The following PKP4 variants were observed in gnomAD, a reference collection of about 807,000 sequenced individuals.
PKP4 encodes the protein plakophilin 4.
In PKP4, 90 loss-of-function variants were observed where a neutral mutation model predicts 145.1. That is an observed-to-expected ratio of 0.62 (90% CI 0.52 to 0.74). The LOEUF (loss-of-function observed/expected upper bound fraction) is 0.74. Among genes scored for constraint, PKP4 ranks in the 30% least tolerant of loss-of-function variants. The probability of loss-of-function intolerance (pLI) is 0.00; values close to 1 mark genes in which losing one functional copy is unlikely to be tolerated. For missense variants in PKP4, 1,340 were observed against 1,482.7 expected, an observed-to-expected ratio of 0.90 and a Z score of 1.58; for synonymous variants, 563 against 577.2, an observed-to-expected ratio of 0.98 and a Z score of 0.35.
At chr2:158,515,450 A>G (rs1382011258) in intron 1 of PKP4, among the ~76,000 whole-genome samples, 5 of 152,030 alleles carry the variant, frequency 3.3e-5, no homozygotes, top group African/African-American at 9.7e-5. Flanking sequence ...GCAAGATCCT[A>G]TCTCTTGAAA....
At chr2:158,590,312 A>AGTGTGTGT (rs57003090) in intron 3 of PKP4, among the ~76,000 whole-genome samples, 3,649 of 124,154 alleles carry the variant, frequency 0.029, 91 homozygotes, top group Non-Finnish European at 0.046. Context: ...GAATGTCTTG[A>AGTGTGTGT]GTGTGTGTGT....
At chr2:158,524,412 C>A (rs2042745664) in intron 1 of PKP4, among the ~76,000 whole-genome samples, 1 of 116,920 alleles carries the variant, frequency 8.6e-6, no homozygotes, top group Non-Finnish European at 1.8e-5. Context: ...AAATAAAATA[C>A]TTTACAGACA....
At chr2:158,520,690 C>T (rs1461879178) in intron 1 of PKP4, among the ~76,000 whole-genome samples, 2 of 152,178 alleles carry the variant, frequency 1.3e-5, no homozygotes, top group African/African-American at 2.4e-5. Flanking sequence ...TCTTCATGTG[C>T]CTCTCTGAGA....
intron 3 of PKP4, among the ~76,000 whole-genome samples, chr2:158,588,737 C>T (rs1207153578): frequency 2.0e-5 from 3 of 152,108 alleles, no homozygotes; most frequent in Non-Finnish European, 4.4e-5. Flanking sequence ...CCAAACCTGC[C>T]ACTTAGGGTA....
chr2:158,545,995 A>G (rs754431805), intron 2 of PKP4, among the ~76,000 whole-genome samples: 5 of 152,188 alleles, frequency 3.3e-5, no homozygotes, highest in African/African-American at 1.2e-4. Context: ...AATGAAATGT[A>G]AATTCAGATT....
Position 158,669,737 on chromosome 2 carries a change from G to T in PKP4, c.2746G>T (p.Asp916Tyr). 1 of 1,596,826 alleles carries T rather than the reference G, an allele frequency of 6.3e-7. No homozygotes were observed. The change falls in exon 17 of 22, where the codon GAC (aspartate) becomes TAC (tyrosine). Residue 916 changes from aspartate (D) to tyrosine (Y), a missense_variant. Coordinates refer to ENST00000389759, the MANE Select transcript of PKP4 (RefSeq NM_003628.6). ...KELIGKYAMRDLVNRLPGGNG... is the reference protein window; with the variant it reads ...KELIGKYAMRYLVNRLPGGNG... ...GTTGGCAGGCAAATACGCCATGCGA[G>T]ACCTGGTCAACCGGCTCCCCGGCGG... is the stretch of plus-strand genomic sequence containing the variant.
At chr2:158,514,137 T>C (rs926984691) in intron 1 of PKP4, among the ~76,000 whole-genome samples, 5 of 152,214 alleles carry the variant, frequency 3.3e-5, no homozygotes, top group South Asian at 2.1e-4. Context: ...AACACAGATA[T>C]GTTGTCATAT....
At chr2:158,619,413 G>A (rs1574815613) in intron 4 of PKP4, among the ~76,000 whole-genome samples, 1 of 152,144 alleles carries the variant, frequency 6.6e-6, no homozygotes, top group East Asian at 1.9e-4. Context: ...ACAGGAGACA[G>A]GTCGGTAAAA....
intron 8 of PKP4, 95 bp from the exon 9 acceptor site, chr2:158,633,975 A>ATT: frequency 1.4e-6 from 1 of 702,904 alleles, no homozygotes; most frequent in Non-Finnish European, 2.4e-6. Context: ...AATTGCCAAA[A>ATT]AATATAGTCC....
intron 3 of PKP4, among the ~76,000 whole-genome samples, chr2:158,591,920 G>T (rs912527673): frequency 1.3e-5 from 2 of 151,956 alleles, no homozygotes; most frequent in South Asian, 2.1e-4. Flanking sequence ...TTTCTTTTTG[G>T]ATTCATGTTT....
intron 2 of PKP4, among the ~76,000 whole-genome samples, chr2:158,541,928 C>T (rs1281248773): frequency 6.6e-6 from 1 of 152,144 alleles, no homozygotes; most frequent in Non-Finnish European, 1.5e-5. Context: ...ATAAACTATT[C>T]TGGCAGAATT....
At chr2:158,624,120 T>C (rs988650400) in intron 6 of PKP4, among the ~76,000 whole-genome samples, 1 of 152,222 alleles carries the variant, frequency 6.6e-6, no homozygotes, top group Non-Finnish European at 1.5e-5. Flanking sequence ...GGGGTGCCTT[T>C]TTTTTGCATC....
intron 1 of PKP4, among the ~76,000 whole-genome samples, chr2:158,506,326 A>AT (rs2040972588): frequency 6.6e-6 from 1 of 152,160 alleles, no homozygotes; most frequent in East Asian, 1.9e-4. Flanking sequence ...TGTTTTTATA[A>AT]TTTTTTGTAT....
rs1467472719 is a variant in PKP4 at position 158,642,704 on chromosome 2, G to A, written c.1909+5G>A. 6.3e-7 allele frequency: 1 copy of A among 1,577,488 alleles called. No individual in the cohort carries two copies. Among genetic ancestry groups the A allele is most frequent in the Non-Finnish European group, 8.7e-7 (1 of 1,156,054 alleles). On this transcript the variant is annotated splice_donor_5th_base_variant and intron_variant, in intron 11 of 21. Coordinates refer to ENST00000389759, the MANE Select transcript of PKP4 (RefSeq NM_003628.6). ...AAGTAAGGGAGCTTGTTACAGGTAG[G>A]TATAGAATGTGATCTCGTCCTAGAG...
At chr2:158,544,654 A>C (rs2044819088) in intron 2 of PKP4, among the ~76,000 whole-genome samples, 1 of 152,194 alleles carries the variant, frequency 6.6e-6, no homozygotes, top group African/African-American at 2.4e-5. Flanking sequence ...TATGAATTGA[A>C]CATCCCACCA....
chr2:158,585,626 G>C (rs992017847), intron 3 of PKP4, among the ~76,000 whole-genome samples: 2 of 152,110 alleles, frequency 1.3e-5, no homozygotes, highest in Non-Finnish European at 2.9e-5. Flanking sequence ...TCTTTGAATA[G>C]ATTGAATGTT....
chr2:158,530,083 C>CTAATATCA (rs1257107344), intron 1 of PKP4, among the ~76,000 whole-genome samples: 3 of 152,184 alleles, frequency 2.0e-5, no homozygotes, highest in African/African-American at 7.2e-5. Context: ...TGGAGGACTT[C>CTAATATCA]TAATATCATA....
chr2:158,537,809 C>T (rs2044177923), intron 2 of PKP4, among the ~76,000 whole-genome samples: 1 of 152,128 alleles, frequency 6.6e-6, no homozygotes, highest in Non-Finnish European at 1.5e-5. Context: ...GGGCAGATGG[C>T]TTGAGCTCAG....
At chr2:158,611,619 T>C (rs1046293414) in intron 4 of PKP4, among the ~76,000 whole-genome samples, 3 of 152,182 alleles carry the variant, frequency 2.0e-5, no homozygotes, top group Admixed American at 2.0e-4. Context: ...AAACACTTTA[T>C]GCCTCAGTAG....
Sources: allele counts gnomAD v4.1 joint callset (sites outside exome capture counted in the v4.1 genomes callset), GRCh38; gene constraint gnomAD v4.1.1; transcripts MANE v1.5; gene names NCBI Gene and HGNC (gene_info 2026-07-23, HGNC 2026-07-21).